Variants in GTF2IRD1 observed in about 807,000 individuals in gnomAD.
GTF2IRD1 encodes GTF2I repeat domain containing 1.
A neutral mutation model predicts 113.2 loss-of-function variants in GTF2IRD1; 26 were observed. That is an observed-to-expected ratio of 0.23 (90% confidence interval 0.17 to 0.32). The LOEUF is 0.32. Among genes scored for constraint, GTF2IRD1 ranks in the 10% least tolerant of loss-of-function variants. The pLI is 1.00. For missense variants in GTF2IRD1, 864 were observed against 1,280.8 expected, an observed-to-expected ratio of 0.67 and a Z score of 4.97; for synonymous variants, 484 against 529.1, an observed-to-expected ratio of 0.91 and a Z score of 1.17.
intron 8 of GTF2IRD1, among the ~76,000 whole-genome samples, chr7:74,526,186 G>A (rs1208395644): frequency 6.6e-6 from 1 of 152,254 alleles, no homozygotes; most frequent in Non-Finnish European, 1.5e-5. Context: ...GTTCTGGCCT[G>A]TCCCACGCTC....
intron 22 of GTF2IRD1, among the ~76,000 whole-genome samples, chr7:74,588,106 C>CTTTT (rs781908698): frequency 5.9e-5 from 8 of 134,996 alleles, no homozygotes; most frequent in Non-Finnish European, 9.6e-5. Flanking sequence ...CTTTTCTTTT[C>CTTTT]TTTTTTTTTT....
chr7:74,569,475 G>A (rs1463618257), intron 22 of GTF2IRD1, among the ~76,000 whole-genome samples: 3 of 152,342 alleles, frequency 2.0e-5, no homozygotes, highest in East Asian at 3.9e-4. Flanking sequence ...TGCAGTGAGG[G>A]GGGGATGGAG....
chr7:74,595,994 A>G (rs1802388128), intron 25 of GTF2IRD1: 1 of 152,188 alleles, frequency 6.6e-6, no homozygotes, highest in Non-Finnish European at 1.5e-5. Flanking sequence ...CTTGGGAGAA[A>G]GTACTCCCGG....
rs782351030 is a variant in GTF2IRD1 at position 74,508,147 on chromosome 7, G to A, written c.67G>A (p.Ala23Thr). The A allele has an allele frequency of 1.6e-5, 25 of 1,612,332 alleles. No homozygotes were observed. The highest frequency in any genetic ancestry group is 1.6e-4 in the Middle Eastern group (1 of 6,084). The part of the protein sequence containing the change: ...NGCGPDRWNS[A>T]FTRKDEIITS... Reference sequence around the variant, plus strand: ...CTGCGGACCCGACCGCTGGAACTCCGCGTTCACCCGCAAAGACGAGATCAT... The same window carrying A: ...CTGCGGACCCGACCGCTGGAACTCCACGTTCACCCGCAAAGACGAGATCAT... Residue 23 changes from alanine (A) to threonine (T), a missense_variant, in exon 2 of 27, where the codon GCG (alanine) becomes ACG (threonine). Physicochemically the swap from Ala to Thr is moderately conservative, Grantham distance 58 (BLOSUM62 0). This residue lies in a region of GTF2IRD1 where 182 missense variants were observed against 266.6 expected (regional missense o/e 0.68). Coordinates refer to ENST00000424337, the MANE Select transcript of GTF2IRD1 (RefSeq NM_005685.4).
chr7:74,471,672 T>TA (rs66929736), intron 1 of GTF2IRD1, among the ~76,000 whole-genome samples: 243 of 104,636 alleles, frequency 2.3e-3, no homozygotes, highest in Non-Finnish European at 3.0e-3. Flanking sequence ...TTGAAATATT[T>TA]AAAAAAAAAA....
intron 1 of GTF2IRD1, among the ~76,000 whole-genome samples, chr7:74,482,800 A>G (rs1210726968): frequency 1.3e-5 from 2 of 152,134 alleles, no homozygotes; most frequent in Non-Finnish European, 2.9e-5. Context: ...TCCTTGCGAG[A>G]TTCCACCGTG....
chr7:74,536,807 A>G (rs1297896690), intron 11 of GTF2IRD1, among the ~76,000 whole-genome samples: 1 of 151,552 alleles, frequency 6.6e-6, no homozygotes, highest in Non-Finnish European at 1.5e-5. Context: ...CTCTATCTCA[A>G]AATAAATACA....
intron 1 of GTF2IRD1, among the ~76,000 whole-genome samples, chr7:74,466,609 T>G (rs1006450237): frequency 1.3e-5 from 2 of 152,158 alleles, no homozygotes; most frequent in African/African-American, 2.4e-5. Flanking sequence ...CTGGGCTGAT[T>G]TCTCGTTGCA....
intron 22 of GTF2IRD1, among the ~76,000 whole-genome samples, chr7:74,587,053 G>C (rs587675153): frequency 1.3e-5 from 2 of 152,244 alleles, no homozygotes; most frequent in African/African-American, 4.8e-5. Context: ...GAGGCTGAGT[G>C]GGGAGGATTG....
At chr7:74,491,858 G>A (rs542259361) in intron 1 of GTF2IRD1, among the ~76,000 whole-genome samples, 64 of 152,262 alleles carry the variant, frequency 4.2e-4, no homozygotes, top group Middle Eastern at 3.4e-3. Context: ...AGGGATTGCC[G>A]GGTCCAATGG....
At chr7:74,469,579 G>T (rs530480799) in intron 1 of GTF2IRD1, among the ~76,000 whole-genome samples, 8 of 152,148 alleles carry the variant, frequency 5.3e-5, no homozygotes, top group Admixed American at 3.3e-4. Context: ...TGTGTTCAAG[G>T]TTCATCCACA....
intron 23 of GTF2IRD1, among the ~76,000 whole-genome samples, 176 bp downstream of exon 23, chr7:74,590,104 C>T (rs1425765113): frequency 4.6e-5 from 7 of 151,570 alleles, no homozygotes; most frequent in Middle Eastern, 3.2e-3. Context: ...TTTTTTTAAA[C>T]AGGGTCTCAC....
intron 17 of GTF2IRD1, among the ~76,000 whole-genome samples, chr7:74,550,626 G>A (rs1322034617): frequency 2.0e-5 from 3 of 150,868 alleles, no homozygotes; most frequent in East Asian, 2.0e-4. Context: ...AATACATTCC[G>A]TCCAGGCGTG....
chr7:74,521,666 G>C (rs1422985213), intron 7 of GTF2IRD1, among the ~76,000 whole-genome samples: 1 of 152,162 alleles, frequency 6.6e-6, no homozygotes, highest in Non-Finnish European at 1.5e-5. Flanking sequence ...GGAGACTGTG[G>C]TGGGAGGATC....
Position 74,555,702 on chromosome 7 carries a change from TGGACGGTCGGG to T in GTF2IRD1, c.2023+212_2023+222del, listed in dbSNP as rs1554356618. On this transcript the variant is annotated intron_variant, in intron 19 of 26. Transcript: ENST00000424337. The surrounding 1 kb of genome is among the most constrained non-coding windows in gnomAD (Gnocchi z 5.3). ...CCAGGGGAGAGGGGGTGCCTACAGG[TGGACGGTCGGG>T]GGAGCCCAGGAGCCTGCCTGCCCCC... Among the ~76,000 whole-genome samples the T allele has an allele frequency of 6.6e-6, 1 of 152,112 alleles. No homozygotes were observed. Among genetic ancestry groups the T allele is most frequent in the African/African-American group, 2.4e-5 (1 of 41,432 alleles).
chr7:74,485,297 G>A (rs1364017204), intron 1 of GTF2IRD1, among the ~76,000 whole-genome samples: 2 of 152,298 alleles, frequency 1.3e-5, no homozygotes, highest in South Asian at 4.1e-4. Context: ...TTCATCAGAC[G>A]AGTCTTGGAG....
chr7:74,598,527 A>C (rs1802557203), intron 25 of GTF2IRD1, among the ~76,000 whole-genome samples: 1 of 151,500 alleles, frequency 6.6e-6, no homozygotes. Context: ...GAGGCAGGAG[A>C]ATTGCTTGAA....
intron 7 of GTF2IRD1, among the ~76,000 whole-genome samples, chr7:74,522,462 G>C (rs1293596072): frequency 6.6e-6 from 1 of 152,172 alleles, no homozygotes; most frequent in Non-Finnish European, 1.5e-5. Context: ...TGCTTTGGGA[G>C]GCTAAGGTGG....
intron 17 of GTF2IRD1, among the ~76,000 whole-genome samples, chr7:74,551,077 C>T (rs1456917201): frequency 1.3e-5 from 2 of 152,046 alleles, no homozygotes; most frequent in Non-Finnish European, 2.9e-5. Flanking sequence ...CATGGTGGCT[C>T]ACATCTGTAA....
Sources: gnomAD v4.1 joint callset for allele counts (sites outside exome capture counted in the v4.1 genomes callset) on GRCh38, gnomAD v4.1.1 for gene constraint, gnomAD v4.1.1 regional missense constraint, Gnocchi (gnomAD v3.1) non-coding constraint, MANE v1.5 for transcripts, NCBI Gene and HGNC (gene_info 2026-07-23, HGNC 2026-07-21) for gene names.